Variants in CPNE8 observed in about 807,000 individuals in gnomAD.
CPNE8 encodes the protein copine 8.
A neutral mutation model predicts 81.5 loss-of-function variants in CPNE8; 45 were observed. The ratio of observed to expected loss-of-function variants is 0.55; its 90% CI spans 0.44 to 0.71. The LOEUF is 0.71. Among genes scored for constraint, CPNE8 ranks in the 30% least tolerant of loss-of-function variants. CPNE8 has a pLI of 0.00. For missense variants in CPNE8, 594 were observed against 672.1 expected (o/e 0.88, Z 1.28); for synonymous variants, 252 against 226.3 (o/e 1.11, Z -1.02).
At chr12:38,758,639 G>T (rs1016612051) in intron 10 of CPNE8, among the ~76,000 whole-genome samples, 1 of 152,056 alleles carries the variant, frequency 6.6e-6, no homozygotes, top group Admixed American at 6.6e-5. Flanking sequence ...ATCTGTGAAA[G>T]GTAACTAATG....
intron 3 of CPNE8, among the ~76,000 whole-genome samples, chr12:38,860,385 C>CAAAAAAA (rs36025286): frequency 9.0e-6 from 1 of 111,310 alleles, no homozygotes. Flanking sequence ...TGGCTATTAT[C>CAAAAAAA]AAAAAAAAAA....
intron 6 of CPNE8, among the ~76,000 whole-genome samples, chr12:38,827,767 A>G (rs1228852594): frequency 6.6e-6 from 1 of 152,192 alleles, no homozygotes; most frequent in Admixed American, 6.5e-5. Flanking sequence ...GGAGATAAAC[A>G]TTGAGTAGTC....
chr12:38,796,348 T>A (rs1388043336), intron 6 of CPNE8, among the ~76,000 whole-genome samples: 1 of 152,100 alleles, frequency 6.6e-6, no homozygotes, highest in African/African-American at 2.4e-5. Flanking sequence ...ATATTTAGTT[T>A]TTATAAAATA....
At chr12:38,757,399 C>G (rs1051593627) in intron 10 of CPNE8, among the ~76,000 whole-genome samples, 1 of 151,632 alleles carries the variant, frequency 6.6e-6, no homozygotes, top group African/African-American at 2.4e-5. Context: ...TCTTATTAGA[C>G]CACACATAAT....
chr12:38,771,828 C>T (rs1941811384), intron 7 of CPNE8, among the ~76,000 whole-genome samples: 1 of 152,082 alleles, frequency 6.6e-6, no homozygotes, highest in South Asian at 2.1e-4. Flanking sequence ...CATCAAACTA[C>T]AAAGCTTCTG....
chr12:38,704,854 A>ATATATATATATATATATATT, intron 13 of CPNE8, among the ~76,000 whole-genome samples: 1 of 134,488 alleles, frequency 7.4e-6, no homozygotes, highest in African/African-American at 2.7e-5. Context: ...ATATATATAT[A>ATATATATATATATATATATT]TATATATATT....
At chr12:38,735,322 A>AT (rs35045653) in intron 10 of CPNE8, among the ~76,000 whole-genome samples, 1 of 152,012 alleles carries the variant, frequency 6.6e-6, no homozygotes, top group African/African-American at 2.4e-5. Flanking sequence ...GGTTGCAGAC[A>AT]TTTTTACTGT....
At chr12:38,781,400 T>C (rs997864085) in intron 6 of CPNE8, among the ~76,000 whole-genome samples, 5 of 152,092 alleles carry the variant, frequency 3.3e-5, no homozygotes, top group South Asian at 4.1e-4. Flanking sequence ...CTATTTAAAA[T>C]AGATAACAAA....
At chr12:38,846,589 G>A (rs1943563851) in intron 4 of CPNE8, among the ~76,000 whole-genome samples, 1 of 152,028 alleles carries the variant, frequency 6.6e-6, no homozygotes, top group South Asian at 2.1e-4. Flanking sequence ...CTTGGAACAG[G>A]TGCTATAAGT....
At chr12:38,708,381 A>AC (rs1461769368) in intron 13 of CPNE8, among the ~76,000 whole-genome samples, 1 of 151,948 alleles carries the variant, frequency 6.6e-6, no homozygotes, top group Non-Finnish European at 1.5e-5. Flanking sequence ...CAAAGTAAAA[A>AC]AAAAATCCAA....
intron 6 of CPNE8, among the ~76,000 whole-genome samples, chr12:38,823,194 ATTC>A (rs1048016943): frequency 1.3e-5 from 2 of 151,982 alleles, no homozygotes; most frequent in African/African-American, 2.4e-5. Flanking sequence ...CTCAAACACT[ATTC>A]TTCTATTTTA....
At chr12:38,725,998 A>G (rs1940687901) in intron 11 of CPNE8, among the ~76,000 whole-genome samples, 1 of 152,124 alleles carries the variant, frequency 6.6e-6, no homozygotes, top group Non-Finnish European at 1.5e-5. Flanking sequence ...TCAGATCATT[A>G]GGCATTAGAT....
At chr12:38,809,899 T>C (rs915331780) in intron 6 of CPNE8, among the ~76,000 whole-genome samples, 2 of 152,174 alleles carry the variant, frequency 1.3e-5, no homozygotes, top group Admixed American at 1.3e-4. Context: ...ATAACAGTTA[T>C]ATACATTCCA....
chr12:38,777,806 G>A (rs1436548443), intron 6 of CPNE8, among the ~76,000 whole-genome samples: 2 of 152,146 alleles, frequency 1.3e-5, no homozygotes, highest in South Asian at 2.1e-4. Flanking sequence ...TGCAGAGCAC[G>A]AGATGAGTGG....
chr12:38,675,589 A>T, intron 18 of CPNE8, 128 bp downstream of exon 18: 1 of 635,380 alleles, frequency 1.6e-6, no homozygotes, highest in Admixed American at 2.8e-5. Context: ...TGGACACATG[A>T]ACATTATATA....
chr12:38,692,212 C>T (rs530743480), intron 15 of CPNE8, among the ~76,000 whole-genome samples: 1 of 152,054 alleles, frequency 6.6e-6, no homozygotes, highest in East Asian at 1.9e-4. Context: ...CTGCTTGAAC[C>T]GGGGAGGCAG....
intron 6 of CPNE8, among the ~76,000 whole-genome samples, chr12:38,794,746 T>G (rs542119092): frequency 6.6e-6 from 1 of 152,062 alleles, no homozygotes; most frequent in African/African-American, 2.4e-5. Context: ...GCAATTGCTA[T>G]AGAAAACAGT....
chr12:38,807,189 T>C (rs1337125676), intron 6 of CPNE8, among the ~76,000 whole-genome samples: 5 of 151,250 alleles, frequency 3.3e-5, no homozygotes, highest in Admixed American at 1.3e-4. Context: ...AGGTCATTTA[T>C]AGATTCAATG....
At position 38,656,106 on chromosome 12, in the gene CPNE8, A is replaced by AAC. The variant is rs533784363; in HGVS notation, c.1507-2037_1507-2036insGT. Among the ~76,000 whole-genome samples the AAC allele has an allele frequency of 5.3e-5, 8 of 152,032 alleles. No homozygotes were observed. In the South Asian group the frequency reaches 1.5e-3, roughly 28 times the overall value. Reference sequence around the variant, plus strand: ...AACAGAAAAAAATCAAAGAGGTAAAAAAAAAACAAAAAACAAAAAAAACAA... The same window carrying AAC: ...AACAGAAAAAAATCAAAGAGGTAAAAACAAAAAACAAAAAACAAAAAAAACAA... On this transcript the variant is annotated intron_variant, in intron 19 of 19. Coordinates refer to ENST00000331366, the MANE Select transcript of CPNE8 (RefSeq NM_153634.3).
Sources: allele counts gnomAD v4.1 joint callset (sites outside exome capture counted in the v4.1 genomes callset), GRCh38; gene constraint gnomAD v4.1.1; transcripts MANE v1.5; gene names NCBI Gene and HGNC (gene_info 2026-07-23, HGNC 2026-07-21).